The following CFAP95 variants were observed in gnomAD, a reference collection of about 807,000 sequenced individuals.
The protein encoded by CFAP95 is cilia- and flagella-associated protein 95.
the CFAP95 span, among the ~76,000 whole-genome samples, chr9:69,895,976 T>A: frequency 6.6e-6 from 1 of 152,186 alleles, no homozygotes; most frequent in Non-Finnish European, 1.5e-5. Context: ...TAACATTTGT[T>A]TCTAAGTTAG....
At chr9:69,888,390 A>AT in the CFAP95 span, among the ~76,000 whole-genome samples, 3 of 152,130 alleles carry the variant, frequency 2.0e-5, no homozygotes, top group East Asian at 5.8e-4. Context: ...ACTCATACAT[A>AT]TTGGCAGGAG....
At chr9:69,822,777 G>A in the CFAP95 span, among the ~76,000 whole-genome samples, 2 of 152,226 alleles carry the variant, frequency 1.3e-5, no homozygotes, top group Non-Finnish European at 2.9e-5. Context: ...ATAGTGGAAC[G>A]CTGTAAGTCA....
At chr9:69,872,904 CGGGTAGTTTAA>C in the CFAP95 span, among the ~76,000 whole-genome samples, 1 of 152,078 alleles carries the variant, frequency 6.6e-6, no homozygotes, top group South Asian at 2.1e-4. Flanking sequence ...TCATAGGTTT[CGGGTAGTTTAA>C]GGGGAACTTA....
At chr9:69,854,775 G>A in the CFAP95 span, among the ~76,000 whole-genome samples, 32 of 152,292 alleles carry the variant, frequency 2.1e-4, no homozygotes, top group African/African-American at 7.7e-4. Flanking sequence ...TTATTTCTGT[G>A]ATTTCCTCCC....
chr9:69,849,173 G>A, the CFAP95 span, among the ~76,000 whole-genome samples: 122 of 152,252 alleles, frequency 8.0e-4, no homozygotes, highest in African/African-American at 2.9e-3. Flanking sequence ...GTCACCTTCT[G>A]TTAGAATACG....
the CFAP95 span, among the ~76,000 whole-genome samples, chr9:69,870,612 C>T: frequency 2.0e-5 from 3 of 152,182 alleles, no homozygotes; most frequent in Admixed American, 2.0e-4. Flanking sequence ...GGAAGCCCTC[C>T]CCAGGATCTT....
chr9:69,861,706 C>T, the CFAP95 span, among the ~76,000 whole-genome samples: 469 of 143,946 alleles, frequency 3.3e-3, 1 homozygote, highest in African/African-American at 0.011. Flanking sequence ...TGTCCTTTCT[C>T]CTGTTCTCCA....
chr9:69,879,479 CG>C, the CFAP95 span, among the ~76,000 whole-genome samples: 2 of 151,828 alleles, frequency 1.3e-5, no homozygotes, highest in Non-Finnish European at 2.9e-5. Flanking sequence ...TCAGGAGGTT[CG>C]GGGGGAAAAG....
the CFAP95 span, among the ~76,000 whole-genome samples, chr9:69,868,011 T>G: frequency 2.1e-4 from 32 of 152,318 alleles, no homozygotes; most frequent in Non-Finnish European, 4.0e-4. Flanking sequence ...CAATAGGTAA[T>G]TGAAACAACC....
the CFAP95 span, among the ~76,000 whole-genome samples, chr9:69,882,782 G>A: frequency 3.3e-5 from 5 of 152,208 alleles, no homozygotes; most frequent in Admixed American, 2.6e-4. Flanking sequence ...CCATCCTTGT[G>A]TCTCTGGGAT....
the CFAP95 span, among the ~76,000 whole-genome samples, chr9:69,845,101 G>T: frequency 6.6e-6 from 1 of 152,204 alleles, no homozygotes; most frequent in East Asian, 1.9e-4. Context: ...CAAGTGTTTT[G>T]TGCTTATCTT....
chr9:69,870,525 G>C, the CFAP95 span, among the ~76,000 whole-genome samples: 1 of 152,142 alleles, frequency 6.6e-6, no homozygotes, highest in African/African-American at 2.4e-5. Flanking sequence ...TCATCCTTGC[G>C]ATCTCAAGAT....
chr9:69,876,206 T>G, the CFAP95 span, among the ~76,000 whole-genome samples: 1 of 152,198 alleles, frequency 6.6e-6, no homozygotes, highest in Non-Finnish European at 1.5e-5. Flanking sequence ...GTTGTTTTAC[T>G]TTGCATTTCA....
the CFAP95 span, among the ~76,000 whole-genome samples, chr9:69,834,151 G>A: frequency 6.6e-6 from 1 of 152,120 alleles, no homozygotes; most frequent in Non-Finnish European, 1.5e-5. Flanking sequence ...TCCATGCCAG[G>A]TATACTGCAA....
At chr9:69,844,964 C>A in the CFAP95 span, among the ~76,000 whole-genome samples, 14 of 152,154 alleles carry the variant, frequency 9.2e-5, no homozygotes, top group South Asian at 2.1e-4. Flanking sequence ...AATAACCCTG[C>A]AAAGTAGGTA....
the CFAP95 span, among the ~76,000 whole-genome samples, chr9:69,824,400 T>A: frequency 2.3e-3 from 335 of 145,242 alleles, 1 homozygote; most frequent in African/African-American, 7.8e-3. Context: ...ACTTTTGTGG[T>A]CATTTGTAGA....
At chr9:69,828,694 A>T in the CFAP95 span, among the ~76,000 whole-genome samples, 1 of 152,192 alleles carries the variant, frequency 6.6e-6, no homozygotes, top group African/African-American at 2.4e-5. Flanking sequence ...TGTTTCCAAA[A>T]AATAAAATAA....
At chr9:69,872,534 G>A in the CFAP95 span, among the ~76,000 whole-genome samples, 8 of 152,160 alleles carry the variant, frequency 5.3e-5, no homozygotes, top group African/African-American at 1.4e-4. Flanking sequence ...TCACAGTTCC[G>A]TGTTCTTGTG....
At chr9:69,880,197 A>G in the CFAP95 span, among the ~76,000 whole-genome samples, 97 of 152,260 alleles carry the variant, frequency 6.4e-4, 1 homozygote, top group African/African-American at 2.0e-3. Flanking sequence ...ACTATTGACT[A>G]TAGTCCCCAC....
Sources: gnomAD v4.1 joint callset for allele counts (sites outside exome capture counted in the v4.1 genomes callset) on GRCh38, gnomAD v4.1.1 for gene constraint, MANE v1.5 for transcripts, NCBI Gene and HGNC (gene_info 2026-07-23, HGNC 2026-07-21) for gene names.